The following DOP1A variants were observed in gnomAD, a reference collection of about 807,000 sequenced individuals.
DOP1A encodes the protein protein DOP1A.
In DOP1A, 90 loss-of-function variants were observed where a neutral mutation model predicts 267.6. That is an observed-to-expected ratio of 0.34 (90% CI 0.28 to 0.40). The LOEUF is 0.40. DOP1A is among the 10% of genes least tolerant of loss of function. The probability of loss-of-function intolerance (pLI) is 1.00; values close to 1 mark genes in which losing one functional copy is unlikely to be tolerated. For synonymous variants in DOP1A, 932 were observed against 999.1 expected (o/e 0.93, Z 1.27); for missense variants, 2,437 against 2,900.4 (o/e 0.84, Z 3.67).
At chr6:83,134,574 T>C (rs541518305) in intron 19 of DOP1A, 254 of 256,080 alleles carry the variant, frequency 9.9e-4, no homozygotes, top group African/African-American at 4.7e-3. Context: ...GATACAGCTC[T>C]CTTGAGACTA....
At chr6:83,092,499 T>A (rs1234570312) in intron 1 of DOP1A, among the ~76,000 whole-genome samples, 1 of 151,610 alleles carries the variant, frequency 6.6e-6, no homozygotes, top group African/African-American at 2.4e-5. Context: ...TTCAAAATAC[T>A]GCTTTATGTT....
At chr6:83,086,606 C>T (rs1034934888) in intron 1 of DOP1A, among the ~76,000 whole-genome samples, 9 of 152,016 alleles carry the variant, frequency 5.9e-5, no homozygotes, top group Admixed American at 5.2e-4. Context: ...GATAACAAAC[C>T]TTGAGAGGGA....
intron 38 of DOP1A, chr6:83,167,364 C>A: frequency 2.0e-6 from 2 of 984,796 alleles, no homozygotes; most frequent in Non-Finnish European, 2.4e-6. Context: ...AGTAATTATT[C>A]ACTTTGGACA....
In DOP1A at chr6:83,089,736, G is replaced by C. The variant is rs188858168; in HGVS notation, c.-146-6995G>C. ...TATTGTATCTCCTGGAAAGTTGCAG[G>C]TTATTGAGAGGAGGGAGTTAATTTC... On this transcript the variant is annotated intron_variant, in intron 1 of 38. Transcript: ENST00000349129. 2.0e-3 allele frequency among the ~76,000 whole-genome samples: 297 copies of C among 152,230 alleles called. 2 individuals are homozygous for C. Among genetic ancestry groups the C allele is most frequent in the Middle Eastern group, 0.01 (3 of 294 alleles).
intron 4 of DOP1A, 46 bp from the exon 5 acceptor site, chr6:83,108,864 T>G: frequency 6.5e-7 from 1 of 1,528,826 alleles, no homozygotes; most frequent in Admixed American, 1.8e-5. Flanking sequence ...ATTAATATTG[T>G]ATAGTTATTT....
chr6:83,101,551 CTT>C (rs920578175), intron 4 of DOP1A, among the ~76,000 whole-genome samples: 2 of 152,144 alleles, frequency 1.3e-5, no homozygotes, highest in African/African-American at 4.8e-5. Context: ...TTAAAACAGT[CTT>C]TTCCTTTGGC....
Position 83,151,955 on chromosome 6 carries a change from C to G in DOP1A, c.5977C>G (p.Arg1993Gly), listed in dbSNP as rs1355599557. 1.2e-6 allele frequency: 2 copies of G among 1,613,618 alleles called. No homozygotes were observed. Among genetic ancestry groups the G allele is most frequent in the Admixed American group, 3.3e-5 (2 of 59,980 alleles). ...TTCTCTGGAACAGACAACATGGCTG[C>G]GACGAAATCTTGAAGTTAAGCCTTC... ...GSSLEQTTWL[R>G]RNLEVKPSPK... The change falls in exon 29 of 39, where the codon CGA becomes GGA. Residue 1993 changes from arginine to glycine, a missense_variant. Arg to Gly is a moderately radical substitution (Grantham distance 125, BLOSUM62 -2). Coordinates refer to ENST00000349129, the MANE Select transcript of DOP1A (RefSeq NM_015018.4).
chr6:83,082,633 T>C (rs1768314555), intron 1 of DOP1A, among the ~76,000 whole-genome samples: 1 of 152,106 alleles, frequency 6.6e-6, no homozygotes. Flanking sequence ...TCTTGAAAAA[T>C]ACAAAGAGTA....
At chr6:83,068,694 A>G (rs965527875) in intron 1 of DOP1A, among the ~76,000 whole-genome samples, 1 of 152,210 alleles carries the variant, frequency 6.6e-6, no homozygotes, top group African/African-American at 2.4e-5. Context: ...TCACATTTTA[A>G]TTTTGTTTGT....
At chr6:83,132,577 T>C (rs1232119363) in intron 18 of DOP1A, among the ~76,000 whole-genome samples, 1 of 152,174 alleles carries the variant, frequency 6.6e-6, no homozygotes, top group Non-Finnish European at 1.5e-5. Flanking sequence ...GTTTATTTCT[T>C]TGTTCAAGAC....
intron 1 of DOP1A, among the ~76,000 whole-genome samples, chr6:83,080,647 C>T (rs1021149531): frequency 2.0e-5 from 3 of 152,132 alleles, no homozygotes; most frequent in African/African-American, 7.2e-5. Flanking sequence ...GATGTGTAAC[C>T]CAACCTGCAG....
At chr6:83,158,064 T>G (rs1310703806) in intron 35 of DOP1A, among the ~76,000 whole-genome samples, 1 of 152,056 alleles carries the variant, frequency 6.6e-6, no homozygotes, top group Non-Finnish European at 1.5e-5. Flanking sequence ...AGTGGCGAGA[T>G]CTCAGCTCAC....
chr6:83,079,954 A>G (rs1174030672), intron 1 of DOP1A, among the ~76,000 whole-genome samples: 2 of 152,136 alleles, frequency 1.3e-5, no homozygotes, highest in African/African-American at 4.8e-5. Flanking sequence ...CATTTTTATC[A>G]TTATTCTCAT....
intron 1 of DOP1A, among the ~76,000 whole-genome samples, chr6:83,091,296 A>G (rs1317684218): frequency 1.3e-5 from 2 of 152,144 alleles, no homozygotes; most frequent in African/African-American, 2.4e-5. Flanking sequence ...CATATCAACC[A>G]TCTTTTCACA....
chr6:83,134,394 A>G, intron 19 of DOP1A, 107 bp downstream of exon 19: 1 of 769,396 alleles, frequency 1.3e-6, no homozygotes, highest in African/African-American at 1.8e-5. Context: ...CAATTTACAA[A>G]TTTTATAAAG....
intron 23 of DOP1A, 68 bp from the exon 24 acceptor site, chr6:83,141,853 G>T: frequency 2.0e-6 from 3 of 1,503,450 alleles, no homozygotes; most frequent in East Asian, 2.3e-5. Flanking sequence ...AACCAAAAAC[G>T]CAGTCTAGTT....
chr6:83,161,199 C>G (rs1784154646), intron 37 of DOP1A: 1 of 152,150 alleles, frequency 6.6e-6, no homozygotes, highest in Middle Eastern at 3.4e-3. Context: ...TCTTCCATGA[C>G]AAGAACCAAA....
At chr6:83,167,121 C>G (rs1054390053) in intron 38 of DOP1A, 1 of 962,654 alleles carries the variant, frequency 1.0e-6, no homozygotes, top group African/African-American at 1.8e-5. Flanking sequence ...TTTTCACATA[C>G]CTTCTCATTT....
chr6:83,166,445 G>A lies in DOP1A; in HGVS notation c.7093-1417G>A. On this transcript the variant is annotated intron_variant, in intron 38 of 38. Coordinates refer to ENST00000349129, the MANE Select transcript of DOP1A (RefSeq NM_015018.4). ...GCCAAATGCATTGTTGATGTTGTGT[G>A]TTGTCTCTGCTGCTTTATAACCTAT... 4.3e-6 allele frequency: 3 copies of A among 701,584 alleles called. No homozygotes were observed. The South Asian group carries it at 4.5e-5, about 10-fold the overall frequency. The allele number at this position is 701,584 out of a possible 1,614,324, so 43.5% of individuals were successfully genotyped here.
Sources: gnomAD v4.1 joint callset for allele counts (sites outside exome capture counted in the v4.1 genomes callset) on GRCh38, gnomAD v4.1.1 for gene constraint, MANE v1.5 for transcripts, NCBI Gene and HGNC (gene_info 2026-07-23, HGNC 2026-07-21) for gene names.